The following EPS15L1 variants were observed in gnomAD, a reference collection of about 807,000 sequenced individuals.
EPS15L1 encodes the protein epidermal growth factor receptor substrate 15-like 1.
In EPS15L1, 43 loss-of-function variants were observed where a neutral mutation model predicts 117.1. That is an observed-to-expected ratio of 0.37 (90% CI 0.29 to 0.47). The LOEUF (loss-of-function observed/expected upper bound fraction) is 0.47, where lower values mean the gene tolerates loss of function less well. Ranked by LOEUF, EPS15L1 falls within the 20% of genes least tolerant of loss-of-function variation. The pLI is 0.99. For synonymous variants in EPS15L1, 459 were observed against 470.5 expected, an observed-to-expected ratio of 0.98 and a Z score of 0.32; for missense variants, 981 against 1,164.0, an observed-to-expected ratio of 0.84 and a Z score of 2.29.
chr19:16,421,251 T>A, intron 10 of EPS15L1, 68 bp downstream of exon 10: 5 of 1,524,444 alleles, frequency 3.3e-6, no homozygotes, highest in Non-Finnish European at 4.4e-6. Flanking sequence ...ACCACCACCC[T>A]CCACAGTCTT....
At chr19:16,453,017 G>A (rs899153760) in intron 1 of EPS15L1, among the ~76,000 whole-genome samples, 3 of 151,910 alleles carry the variant, frequency 2.0e-5, no homozygotes, top group Admixed American at 6.6e-5. Context: ...AGTCAGGATG[G>A]CCTCGATCTC....
At chr19:16,389,691 T>C (rs955229487) in intron 19 of EPS15L1, among the ~76,000 whole-genome samples, 13 of 152,238 alleles carry the variant, frequency 8.5e-5, no homozygotes, top group African/African-American at 2.9e-4. Flanking sequence ...GAGTTTCTAA[T>C]GTATTTAGAT....
intron 13 of EPS15L1, chr19:16,412,931 A>G: frequency 1.5e-6 from 1 of 656,726 alleles, no homozygotes; most frequent in Non-Finnish European, 2.8e-6. Context: ...AAGTCCCTGG[A>G]GGAGAGCTAT....
intron 12 of EPS15L1, among the ~76,000 whole-genome samples, chr19:16,415,655 C>T (rs1004046568): frequency 3.3e-5 from 5 of 152,256 alleles, no homozygotes; most frequent in Admixed American, 1.3e-4. Context: ...ACTCTCAGAG[C>T]CACCTGCTCA....
intron 19 of EPS15L1, among the ~76,000 whole-genome samples, chr19:16,390,855 A>C (rs1225994998): frequency 5.9e-5 from 9 of 152,230 alleles, no homozygotes; most frequent in African/African-American, 2.2e-4. Flanking sequence ...GCAGTGCTTA[A>C]GGGAAATATG....
chr19:16,374,259 G>A (rs922036076), intron 22 of EPS15L1, among the ~76,000 whole-genome samples: 13 of 152,152 alleles, frequency 8.5e-5, no homozygotes, highest in African/African-American at 3.1e-4. Context: ...GGGACCTAGT[G>A]AGATAAGAAC....
At chr19:16,392,263 C>G in intron 19 of EPS15L1, 41 bp downstream of exon 19, 1 of 1,612,356 alleles carries the variant, frequency 6.2e-7, no homozygotes, top group Non-Finnish European at 8.5e-7. Context: ...CCACACAGAG[C>G]AGGCACGCAG....
rs1341490970 is a variant in EPS15L1, at chr19:16,386,029, C to T, written c.2164+142G>A. On this transcript the variant is annotated intron_variant, in intron 20 of 23. Transcript: ENST00000455140. Reference sequence around the variant, plus strand: ...CGGGTGCTTGTTTTGGCCTAATGGGCTCAGGCCAGGATCTGGGTGCCACTG... The same window carrying T: ...CGGGTGCTTGTTTTGGCCTAATGGGTTCAGGCCAGGATCTGGGTGCCACTG... The T allele has an allele frequency of 5.9e-6, 4 of 673,020 alleles. No homozygotes were observed. The African/African-American group carries it at 7.2e-5, about 12-fold the overall frequency. 41.7% of individuals were successfully genotyped at this position (673,020 alleles called of 1,614,324 possible). A position where few individuals can be genotyped will look rare whatever the true frequency, so the allele number is the denominator to read the frequency against.
intron 8 of EPS15L1, among the ~76,000 whole-genome samples, chr19:16,428,163 T>C (rs2144989798): frequency 6.9e-6 from 1 of 144,230 alleles, no homozygotes; most frequent in East Asian, 2.1e-4. Context: ...ATTACACCAC[T>C]GCACTCCAGC....
chr19:16,461,761 G>T (rs1311021002), intron 1 of EPS15L1, among the ~76,000 whole-genome samples: 1 of 152,246 alleles, frequency 6.6e-6, no homozygotes, highest in East Asian at 1.9e-4. Flanking sequence ...GGAGGTAGCA[G>T]GGCCCCAGCC....
At chr19:16,466,343 GTCCTTCCAGCC>G (rs2145203874) in intron 1 of EPS15L1, among the ~76,000 whole-genome samples, 1 of 152,164 alleles carries the variant, frequency 6.6e-6, no homozygotes, top group South Asian at 2.1e-4. Context: ...TCTTTACTCA[GTCCTTCCAGCC>G]TGGTGGTGAG....
chr19:16,445,096 A>C (rs1379479140), intron 1 of EPS15L1, among the ~76,000 whole-genome samples: 1 of 152,166 alleles, frequency 6.6e-6, no homozygotes, highest in Non-Finnish European at 1.5e-5. Context: ...GTGGAAAAAA[A>C]AGAGTTTCAG....
chr19:16,464,576 T>C (rs1372711747), intron 1 of EPS15L1, among the ~76,000 whole-genome samples: 1 of 152,198 alleles, frequency 6.6e-6, no homozygotes, highest in Non-Finnish European at 1.5e-5. Context: ...AGCCGCATGT[T>C]TTGGCCCTTT....
chr19:16,390,177 T>C (rs1412952566), intron 19 of EPS15L1, among the ~76,000 whole-genome samples: 1 of 151,834 alleles, frequency 6.6e-6, no homozygotes, highest in East Asian at 1.9e-4. Context: ...AAGTAAATGG[T>C]TGAAAAATGA....
chr19:16,431,673 C>CA (rs2092929153), intron 7 of EPS15L1, among the ~76,000 whole-genome samples: 1 of 152,122 alleles, frequency 6.6e-6, no homozygotes, highest in Admixed American at 6.6e-5. Context: ...TCATATCTTT[C>CA]AGAGTCTTCC....
At chr19:16,394,949 G>A (rs2092523806) in intron 17 of EPS15L1, among the ~76,000 whole-genome samples, 1 of 152,100 alleles carries the variant, frequency 6.6e-6, no homozygotes, top group Non-Finnish European at 1.5e-5. Context: ...GCTGGGTGCG[G>A]TGCCTCACAC....
chr19:16,439,253 G>A (rs1209205860), intron 4 of EPS15L1, among the ~76,000 whole-genome samples: 1 of 151,622 alleles, frequency 6.6e-6, no homozygotes, highest in African/African-American at 2.4e-5. Context: ...TGAGAAAAGG[G>A]GACCTTTCAT....
At chr19:16,359,111 C>CT (rs1053414281) in intron 23 of EPS15L1, among the ~76,000 whole-genome samples, 7 of 152,110 alleles carry the variant, frequency 4.6e-5, no homozygotes, top group Non-Finnish European at 7.3e-5. Context: ...GCCCCCCTGA[C>CT]TGCCAGCATG....
Position 16,381,987 on chromosome 19 carries a change from C to T in EPS15L1, c.2247+3142G>A, listed in dbSNP as rs1420703488. 1.3e-5 allele frequency among the ~76,000 whole-genome samples: 2 copies of T among 152,194 alleles called. No homozygotes were observed. The highest frequency in any genetic ancestry group is 2.9e-5 in the Non-Finnish European group (2 of 68,032). ...GTTCCAGTGGCTGCAGTGAGCCTTT[C>T]TACCCTCTGTGTCGCGCAATAGGAC... On this transcript the variant is annotated intron_variant, in intron 21 of 23. Coordinates refer to ENST00000455140, the MANE Select transcript of EPS15L1 (RefSeq NM_001258374.3). The surrounding 1 kb of genome is among the most constrained non-coding windows in gnomAD (Gnocchi z 4.2).
Sources: allele counts gnomAD v4.1 joint callset (sites outside exome capture counted in the v4.1 genomes callset), GRCh38; gene constraint gnomAD v4.1.1; non-coding constraint Gnocchi (gnomAD v3.1); transcripts MANE v1.5; gene names NCBI Gene and HGNC (gene_info 2026-07-23, HGNC 2026-07-21).